Variants in PRUNE2 observed in about 807,000 individuals in gnomAD.
PRUNE2 encodes prune homolog 2 with BCH domain.
Under a neutral mutation model 252.0 loss-of-function variants are expected in PRUNE2, and 164 were observed. The observed-to-expected ratio is 0.65, with a 90% CI of 0.57 to 0.74. The LOEUF (loss-of-function observed/expected upper bound fraction) is 0.74, where lower values mean the gene tolerates loss of function less well. Ranked by LOEUF, PRUNE2 falls within the 30% of genes least tolerant of loss-of-function variation. The probability of loss-of-function intolerance (pLI) is 0.00; values close to 1 mark genes in which losing one functional copy is unlikely to be tolerated. For missense variants in PRUNE2, 3,495 were observed against 3,711.0 expected (o/e 0.94, Z 1.51); for synonymous variants, 1,292 against 1,350.2 (o/e 0.96, Z 0.94).
intron 1 of PRUNE2, among the ~76,000 whole-genome samples, chr9:76,881,530 T>C (rs2061784059): frequency 6.6e-6 from 1 of 152,016 alleles, no homozygotes; most frequent in Non-Finnish European, 1.5e-5. Flanking sequence ...ATTTTTATCA[T>C]CCAAAAAGAC....
intron 6 of PRUNE2, among the ~76,000 whole-genome samples, chr9:76,744,151 G>C (rs548872684): frequency 6.6e-6 from 1 of 152,278 alleles, no homozygotes; most frequent in East Asian, 1.9e-4. Flanking sequence ...ACCCACACAA[G>C]AAAAAACTCT....
chr9:76,641,890 T>TACACAC, intron 12 of PRUNE2: 1 of 1,450,566 alleles, frequency 6.9e-7, no homozygotes, highest in Non-Finnish European at 9.1e-7. Flanking sequence ...AACCAAAACA[T>TACACAC]ACACACACAC....
In PRUNE2 at chr9:76,850,702, G is replaced by A. The variant is rs891958671; in HGVS notation, c.142-37C>T. The stretch of plus-strand genomic sequence containing the variant: ...AAAGTTGACTGAATTACTGAAAATA[G>A]CAGGAGGAAAGAATACAATTACATT... On this transcript the variant is annotated intron_variant, in intron 2 of 18. Transcript: ENST00000376718. 2.8e-6 allele frequency: 4 copies of A among 1,448,496 alleles called. No individual in the cohort carries two copies. In the South Asian group the frequency reaches 3.4e-5, roughly 12 times the overall value. 89.7% of individuals were successfully genotyped at this position (1,448,496 alleles called of 1,614,324 possible).
chr9:76,723,846 CG>C (rs1432974654), intron 6 of PRUNE2, among the ~76,000 whole-genome samples: 1 of 145,324 alleles, frequency 6.9e-6, no homozygotes, highest in Non-Finnish European at 1.5e-5. Flanking sequence ...ATCGCTCTGT[CG>C]CCCAGGCTGG....
Position 76,709,079 on chromosome 9 carries a change from G to A in PRUNE2, c.3195C>T (p.Ile1065=), listed in dbSNP as rs1050668530. The change falls in exon 8 of 19, where the codon ATC becomes ATT. Residue 1065 remains isoleucine (I), a synonymous_variant. Transcript: ENST00000376718. ...LKTEHTDGKN[I]SMEDDVGESS... ...TTTCCCCGACGTCATCCTCCATGGA[G>A]ATATTCTTACCATCTGTGTGCTCTG... 6.2e-6 allele frequency: 10 copies of A among 1,613,872 alleles called. No individual in the cohort carries two copies. The African/African-American group carries it at 8.0e-5, about 13-fold the overall frequency.
chr9:76,618,738 T>A (rs531499696), intron 18 of PRUNE2, among the ~76,000 whole-genome samples: 1 of 152,238 alleles, frequency 6.6e-6, no homozygotes, highest in Admixed American at 6.5e-5. Flanking sequence ...CGTCTCTCCA[T>A]GCCTCTCTTT....
intron 6 of PRUNE2, among the ~76,000 whole-genome samples, chr9:76,753,107 A>G (rs1471290491): frequency 3.3e-5 from 5 of 152,100 alleles, no homozygotes; most frequent in Non-Finnish European, 7.4e-5. Flanking sequence ...ACAACTTACT[A>G]GAGTCTCCAC....
chr9:76,881,999 T>A (rs1201807782), intron 1 of PRUNE2, among the ~76,000 whole-genome samples: 1 of 152,110 alleles, frequency 6.6e-6, no homozygotes, highest in Non-Finnish European at 1.5e-5. Flanking sequence ...TTGCATAATG[T>A]TTTTGAGGTT....
chr9:76,779,244 T>TG (rs1183631191), intron 6 of PRUNE2, among the ~76,000 whole-genome samples: 1 of 152,080 alleles, frequency 6.6e-6, no homozygotes, highest in Non-Finnish European at 1.5e-5. Context: ...TTTTTTTTTT[T>TG]TTGGAAGTAT....
At chr9:76,792,479 C>T (rs528193855) in intron 6 of PRUNE2, among the ~76,000 whole-genome samples, 60 of 152,214 alleles carry the variant, frequency 3.9e-4, no homozygotes, top group East Asian at 1.9e-3. Context: ...GAGGACAGAA[C>T]GAGAGGAATG....
chr9:76,696,768 G>A (rs988258836), intron 9 of PRUNE2, among the ~76,000 whole-genome samples: 7 of 152,170 alleles, frequency 4.6e-5, no homozygotes, highest in African/African-American at 1.7e-4. Context: ...TGGGAGATGC[G>A]GGGGAAGAGG....
In PRUNE2 at chr9:76,644,819, C is replaced by A. The variant is rs1246896966; in HGVS notation, c.8648G>T (p.Arg2883Met). The A allele has an allele frequency of 6.2e-7, 1 of 1,613,828 alleles. No individual in the cohort carries two copies. Among genetic ancestry groups the A allele is most frequent in the African/African-American group, 1.3e-5 (1 of 74,912 alleles). The stretch of plus-strand genomic sequence containing the variant: ...CTCTTGTTCTCCAATGACCACTGTC[C>A]TCCAAAGCCGGTTGTCCTCCCGTTC... Reference protein sequence around the residue: ...EEEREDNRLWRTVVIGEQEQR... With the variant: ...EEEREDNRLWMTVVIGEQEQR... Residue 2883 changes from arginine (R) to methionine (M), a missense_variant, in exon 12 of 19, where the codon AGG becomes ATG. Transcript: ENST00000376718.
intron 9 of PRUNE2, among the ~76,000 whole-genome samples, chr9:76,682,836 CA>C (rs1403186961): frequency 3.0e-4 from 29 of 95,902 alleles, no homozygotes; most frequent in Middle Eastern, 4.9e-3. Context: ...AAAAAATATT[CA>C]AATTTTTCTT....
chr9:76,885,459 C>T (rs945637125), intron 1 of PRUNE2, among the ~76,000 whole-genome samples: 6 of 148,956 alleles, frequency 4.0e-5, no homozygotes, highest in African/African-American at 9.8e-5. Context: ...CATTCCTAGG[C>T]ACCCACTAAG....
At chr9:76,863,387 C>A (rs1242738689) in intron 1 of PRUNE2, 1 of 151,538 alleles carries the variant, frequency 6.6e-6, no homozygotes, top group Admixed American at 6.6e-5. Context: ...TATATATGGA[C>A]ACAAAAACAT....
At chr9:76,809,557 G>A (rs1475401633) in intron 6 of PRUNE2, among the ~76,000 whole-genome samples, 3 of 152,092 alleles carry the variant, frequency 2.0e-5, no homozygotes, top group African/African-American at 4.8e-5. Context: ...TTAGCTGGAC[G>A]TGGTCGCGCG....
At chr9:76,635,759 G>T (rs570173188) in intron 15 of PRUNE2, among the ~76,000 whole-genome samples, 16 of 152,132 alleles carry the variant, frequency 1.1e-4, no homozygotes, top group Non-Finnish European at 2.1e-4. Flanking sequence ...AATCTAATCT[G>T]TACCCTGATG....
At chr9:76,780,808 A>G (rs1246738633) in intron 6 of PRUNE2, among the ~76,000 whole-genome samples, 1 of 152,350 alleles carries the variant, frequency 6.6e-6, no homozygotes, top group East Asian at 1.9e-4. Context: ...CTGAGAACCA[A>G]TGAGGAGCCA....
intron 6 of PRUNE2, among the ~76,000 whole-genome samples, chr9:76,741,352 C>T (rs1017832039): frequency 6.6e-6 from 1 of 152,174 alleles, no homozygotes; most frequent in Non-Finnish European, 1.5e-5. Context: ...TGGCAACTAA[C>T]AGTATCAACT....
Sources: allele counts gnomAD v4.1 joint callset (sites outside exome capture counted in the v4.1 genomes callset), GRCh38; gene constraint gnomAD v4.1.1; transcripts MANE v1.5; gene names NCBI Gene and HGNC (gene_info 2026-07-23, HGNC 2026-07-21).